The following SCP2 variants were observed in gnomAD, a reference collection of about 807,000 sequenced individuals.
SCP2 encodes sterol carrier protein 2.
SCP2 carries 48 observed loss-of-function variants against 71.4 expected under a neutral mutation model. The observed-to-expected ratio is 0.67, with a 90% CI of 0.53 to 0.86. The LOEUF (loss-of-function observed/expected upper bound fraction) is 0.86, where lower values mean the gene tolerates loss of function less well. Ranked by LOEUF, SCP2 falls within the 40% of genes least tolerant of loss-of-function variation. The pLI, the probability that SCP2 is intolerant of heterozygous loss-of-function variation, is 0.00. For missense variants in SCP2, 560 were observed against 655.6 expected (o/e 0.85, Z 1.59); for synonymous variants, 220 against 218.1 (o/e 1.01, Z -0.08).
intron 13 of SCP2, among the ~76,000 whole-genome samples, chr1:53,033,045 A>G (rs1662667452): frequency 2.6e-5 from 4 of 152,220 alleles, no homozygotes; most frequent in Admixed American, 2.6e-4. Flanking sequence ...TTCACTTAAA[A>G]GAAAAACCTG....
chr1:53,040,998 A>C (rs17107720), intron 14 of SCP2, among the ~76,000 whole-genome samples: 5,705 of 152,260 alleles, frequency 0.037, 230 homozygotes, highest in East Asian at 0.21. Flanking sequence ...GCATCGAGTA[A>C]GCATTCAGTA....
Position 53,037,892 on chromosome 1 carries a change from A to G in SCP2, c.1339-1025A>G, listed in dbSNP as rs1431431028. Among the ~76,000 whole-genome samples, 155 of 99,940 alleles carry G rather than the reference A, an allele frequency of 1.6e-3. 1 individual carries two copies. Among genetic ancestry groups the G allele is most frequent in the African/African-American group, 9.6e-3 (149 of 15,484 alleles). 65.6% of individuals were successfully genotyped at this position (99,940 alleles called of 152,430 possible). A position where few individuals can be genotyped will look rare whatever the true frequency, so the allele number is the denominator to read the frequency against. On this transcript the variant is annotated intron_variant, in intron 13 of 15. Transcript: ENST00000371514. Reference sequence around the variant, plus strand: ...CCTGTCTCTACATACACACACACACACACACACACACACACACACACACAC... The same window carrying G: ...CCTGTCTCTACATACACACACACACGCACACACACACACACACACACACAC...
At chr1:52,971,763 T>C (rs574575583) in intron 6 of SCP2, among the ~76,000 whole-genome samples, 10 of 152,292 alleles carry the variant, frequency 6.6e-5, no homozygotes, top group Non-Finnish European at 1.5e-4. Flanking sequence ...CTTCTGGGCG[T>C]GGGGCAGGTC....
chr1:52,936,474 C>T (rs1297310494), intron 1 of SCP2, among the ~76,000 whole-genome samples: 1 of 152,138 alleles, frequency 6.6e-6, no homozygotes, highest in Non-Finnish European at 1.5e-5. Context: ...AATGTACAAT[C>T]AAATTTTGGA....
chr1:52,965,998 T>A (rs773350154), intron 6 of SCP2, among the ~76,000 whole-genome samples: 1 of 152,148 alleles, frequency 6.6e-6, no homozygotes, highest in Non-Finnish European at 1.5e-5. Context: ...CTGAAGTTTT[T>A]AATTTTTGAG....
intron 1 of SCP2, among the ~76,000 whole-genome samples, chr1:52,941,003 C>A (rs2150109947): frequency 6.6e-6 from 1 of 152,328 alleles, no homozygotes; most frequent in African/African-American, 2.4e-5. Context: ...CCCGCCTCGG[C>A]CTCCCAAAGT....
At chr1:53,032,392 C>T (rs903020679) in intron 13 of SCP2, among the ~76,000 whole-genome samples, 2 of 152,082 alleles carry the variant, frequency 1.3e-5, no homozygotes, top group Admixed American at 1.3e-4. Context: ...GTGCAGAGGG[C>T]CATCAAAATA....
chr1:52,942,637 G>T, intron 2 of SCP2, among the ~76,000 whole-genome samples: 1 of 146,784 alleles, frequency 6.8e-6, no homozygotes, highest in Middle Eastern at 3.5e-3. Context: ...CCATCAATAA[G>T]AAATTTAATT....
intron 5 of SCP2, among the ~76,000 whole-genome samples, chr1:52,961,066 C>CTTTTTTTTTT (rs774047289): frequency 2.2e-5 from 2 of 92,188 alleles, no homozygotes; most frequent in Non-Finnish European, 4.6e-5. Context: ...TCCTTTGGTT[C>CTTTTTTTTTT]TTTTTTTTTT....
At position 53,005,518 on chromosome 1, in the gene SCP2, G is replaced by A. The variant is rs186453018; in HGVS notation, c.1082-9372G>A. On this transcript the variant is annotated intron_variant, in intron 11 of 15. Transcript: ENST00000371514. ...GATACCCAGGCAAACAGGGTCTGGA[G>A]TGGACCTCCAGCAAACTCCAACAGA... Among the ~76,000 whole-genome samples, 7 of 152,322 alleles carry A rather than the reference G, an allele frequency of 4.6e-5. No homozygotes were observed. In the East Asian group the frequency reaches 1.4e-3, roughly 29 times the overall value.
At chr1:52,936,882 T>A (rs943141974) in intron 1 of SCP2, among the ~76,000 whole-genome samples, 1 of 151,996 alleles carries the variant, frequency 6.6e-6, no homozygotes, top group African/African-American at 2.4e-5. Context: ...TTTCTTGACC[T>A]GGGTGATGGT....
chr1:53,004,845 G>A (rs1477083662), intron 11 of SCP2, among the ~76,000 whole-genome samples: 1 of 152,196 alleles, frequency 6.6e-6, no homozygotes, highest in African/African-American at 2.4e-5. Flanking sequence ...CCCGGGAAGT[G>A]CAAGAGGTTG....
intron 13 of SCP2, among the ~76,000 whole-genome samples, chr1:53,037,913 CACA>C (rs1663096833): frequency 7.9e-6 from 1 of 126,270 alleles, no homozygotes; most frequent in Admixed American, 8.0e-5. Flanking sequence ...CACACACACA[CACA>C]CACACACACA....
At chr1:53,047,804 A>G (rs1447405413) in intron 14 of SCP2, 54 bp from the exon 15 acceptor site, 6 of 1,243,720 alleles carry the variant, frequency 4.8e-6, no homozygotes, top group East Asian at 4.6e-5. Context: ...AAAAATGTAT[A>G]TGTGAAACTG....
intron 11 of SCP2, among the ~76,000 whole-genome samples, chr1:53,005,711 G>T (rs1260562801): frequency 1.3e-5 from 2 of 152,180 alleles, no homozygotes; most frequent in African/African-American, 4.8e-5. Context: ...AAATCAGAGT[G>T]CCTCTTCCCT....
intron 11 of SCP2, among the ~76,000 whole-genome samples, chr1:52,990,448 T>C (rs993923897): frequency 6.6e-6 from 1 of 152,060 alleles, no homozygotes; most frequent in Non-Finnish European, 1.5e-5. Context: ...AAGGAAAGTA[T>C]GAGAACAATG....
intron 13 of SCP2, among the ~76,000 whole-genome samples, chr1:53,033,705 C>CT (rs1662717739): frequency 6.6e-6 from 1 of 151,796 alleles, no homozygotes; most frequent in South Asian, 2.1e-4. Context: ...ATTGGAAACC[C>CT]TCATTAATTG....
intron 11 of SCP2, among the ~76,000 whole-genome samples, chr1:52,991,147 T>G (rs1459734202): frequency 6.6e-6 from 1 of 152,222 alleles, no homozygotes; most frequent in Non-Finnish European, 1.5e-5. Flanking sequence ...CTCTTTAGTA[T>G]GTAGCTTAGC....
intron 13 of SCP2, among the ~76,000 whole-genome samples, chr1:53,036,347 A>T (rs76191232): frequency 0.098 from 14,689 of 149,648 alleles, 1,413 homozygotes; most frequent in African/African-American, 0.22. Context: ...CTGGCTCTTA[A>T]AACAATGCTG....
Sources: allele counts gnomAD v4.1 joint callset (sites outside exome capture counted in the v4.1 genomes callset), GRCh38; gene constraint gnomAD v4.1.1; transcripts MANE v1.5; gene names NCBI Gene and HGNC (gene_info 2026-07-23, HGNC 2026-07-21).